The following CARMIL1 variants were observed in gnomAD, a reference collection of about 807,000 sequenced individuals.
The protein encoded by CARMIL1 is capping protein regulator and myosin 1 linker 1.
A neutral mutation model predicts 177.1 loss-of-function variants in CARMIL1; 90 were observed. That is an observed-to-expected ratio of 0.51 (90% CI 0.43 to 0.61). The LOEUF is 0.61. CARMIL1 is among the 20% of genes least tolerant of loss of function. CARMIL1 has a pLI of 0.00. For synonymous variants in CARMIL1, 577 were observed against 606.2 expected (o/e 0.95, Z 0.71); for missense variants, 1,380 against 1,667.0 (o/e 0.83, Z 3.00).
intron 2 of CARMIL1, among the ~76,000 whole-genome samples, chr6:25,297,756 C>T (rs149116895): frequency 3.7e-4 from 56 of 152,350 alleles, no homozygotes; most frequent in African/African-American, 1.1e-3. Context: ...GTGGTGTCAG[C>T]AACACTGTAT....
chr6:25,587,515 C>T (rs563443173), intron 31 of CARMIL1, among the ~76,000 whole-genome samples: 76 of 152,258 alleles, frequency 5.0e-4, no homozygotes, highest in Non-Finnish European at 9.3e-4. Flanking sequence ...ATATGCCATC[C>T]TTTACTTAAA....
At chr6:25,324,852 A>C (rs1288903467) in intron 2 of CARMIL1, among the ~76,000 whole-genome samples, 3 of 152,100 alleles carry the variant, frequency 2.0e-5, no homozygotes, top group Non-Finnish European at 4.4e-5. Context: ...ACAGGTGTGA[A>C]TGTAGACCCT....
chr6:25,619,108 C>A (rs550442906), intron 36 of CARMIL1, among the ~76,000 whole-genome samples: 4 of 152,204 alleles, frequency 2.6e-5, no homozygotes, highest in Non-Finnish European at 4.4e-5. Context: ...TGGAGCAGAA[C>A]CGCTTCAAAG....
At chr6:25,380,754 C>A (rs948154116) in intron 2 of CARMIL1, among the ~76,000 whole-genome samples, 4 of 152,126 alleles carry the variant, frequency 2.6e-5, no homozygotes, top group African/African-American at 4.8e-5. Flanking sequence ...TTGCACCAGG[C>A]ACTGTGTAGG....
At chr6:25,450,796 C>T in intron 8 of CARMIL1, 85 bp downstream of exon 8, 1 of 17,540 alleles carries the variant, frequency 5.7e-5, no homozygotes, top group Non-Finnish European at 1.2e-4. Context: ...TTCCTCCCTC[C>T]CTTCCTCCCT....
intron 2 of CARMIL1, among the ~76,000 whole-genome samples, chr6:25,410,637 A>G (rs1434297332): frequency 2.0e-5 from 3 of 152,124 alleles, no homozygotes; most frequent in Non-Finnish European, 4.4e-5. Context: ...TTGAATCTTG[A>G]GAGGGAACAT....
At chr6:25,460,023 A>G (rs1799995112) in intron 8 of CARMIL1, among the ~76,000 whole-genome samples, 1 of 152,232 alleles carries the variant, frequency 6.6e-6, no homozygotes. Flanking sequence ...CTTCCAACTA[A>G]GAGAAATCAG....
At chr6:25,366,601 C>T in intron 2 of CARMIL1, among the ~76,000 whole-genome samples, 1 of 150,948 alleles carries the variant, frequency 6.6e-6, no homozygotes, top group Non-Finnish European at 1.5e-5. Context: ...TTGCTCACTG[C>T]TGTATATCCA....
chr6:25,473,563 T>A (rs1801263137), intron 11 of CARMIL1, among the ~76,000 whole-genome samples: 1 of 152,224 alleles, frequency 6.6e-6, no homozygotes, highest in Non-Finnish European at 1.5e-5. Context: ...TTTATCTTGG[T>A]CATCTTCACA....
rs1272744246 is a variant in CARMIL1, at chr6:25,482,315, T to C, written c.933T>C (p.Asn311=). The C allele has an allele frequency of 6.3e-7, 1 of 1,583,884 alleles. No homozygotes were observed. Among genetic ancestry groups the C allele is most frequent in the Non-Finnish European group, 8.6e-7 (1 of 1,160,062 alleles). The stretch of plus-strand genomic sequence containing the variant: ...TCCCAAAGGGATTAAAGCACTTAAA[T>C]TTATCTAAAACCTCATTATCACCTA... ...AKLPKGLKHL[N]LSKTSLSPKG... is the part of the protein sequence containing the mutation. Residue 311 remains asparagine, a synonymous_variant, in exon 12 of 37, where the codon AAT becomes AAC. Coordinates refer to ENST00000329474, the MANE Select transcript of CARMIL1 (RefSeq NM_017640.6).
At chr6:25,593,318 G>A (rs1043161909) in intron 31 of CARMIL1, among the ~76,000 whole-genome samples, 6 of 152,142 alleles carry the variant, frequency 3.9e-5, no homozygotes, top group East Asian at 1.9e-4. Context: ...ATTCTCTGGC[G>A]TCTCCAATTG....
chr6:25,310,604 A>T (rs1335216557), intron 2 of CARMIL1, among the ~76,000 whole-genome samples: 5 of 152,224 alleles, frequency 3.3e-5, no homozygotes, highest in Non-Finnish European at 7.3e-5. Context: ...TCAGAAAAAT[A>T]TGAAAGCCAC....
In CARMIL1 at chr6:25,541,080, A is replaced by G. The variant is rs559417593; in HGVS notation, c.2328+1002A>G. Among the ~76,000 whole-genome samples, 5 of 152,318 alleles carry G rather than the reference A, an allele frequency of 3.3e-5. No individual in the cohort carries two copies. In the East Asian group the frequency reaches 9.6e-4, roughly 29 times the overall value. ...GCTAGACCATTTGTTACCTAATAGC[A>G]CTTGTTTTATCCTGCATGAAGGATA... is the stretch of plus-strand genomic sequence containing the variant. On this transcript the variant is annotated intron_variant, in intron 26 of 36. Transcript: ENST00000329474.
intron 36 of CARMIL1, among the ~76,000 whole-genome samples, chr6:25,618,827 G>A (rs1759499858): frequency 6.6e-6 from 1 of 152,194 alleles, no homozygotes; most frequent in South Asian, 2.1e-4. Flanking sequence ...ATGGTTGAAT[G>A]TGTCATAGGC....
intron 5 of CARMIL1, among the ~76,000 whole-genome samples, chr6:25,439,325 G>A (rs1797518831): frequency 6.6e-6 from 1 of 152,204 alleles, no homozygotes; most frequent in Non-Finnish European, 1.5e-5. Flanking sequence ...GTGAGGCTGG[G>A]GCTTGGAGGA....
intron 2 of CARMIL1, among the ~76,000 whole-genome samples, chr6:25,412,272 C>A (rs1794968221): frequency 6.6e-6 from 1 of 152,218 alleles, no homozygotes. Context: ...AAATATTTCT[C>A]TCATTTTTAA....
At chr6:25,461,809 C>T (rs1014817833) in intron 8 of CARMIL1, among the ~76,000 whole-genome samples, 3 of 152,116 alleles carry the variant, frequency 2.0e-5, no homozygotes, top group African/African-American at 7.2e-5. Context: ...TTGAGAGTTC[C>T]AGTTGCTCTG....
intron 2 of CARMIL1, among the ~76,000 whole-genome samples, chr6:25,408,300 A>T (rs1794584798): frequency 2.0e-5 from 3 of 151,624 alleles, no homozygotes; most frequent in South Asian, 2.1e-4. Context: ...AATAAAAAAA[A>T]AAAAAAAAAA....
chr6:25,524,353 A>T (rs1021375146), intron 23 of CARMIL1, among the ~76,000 whole-genome samples: 1 of 152,242 alleles, frequency 6.6e-6, no homozygotes, highest in Non-Finnish European at 1.5e-5. Context: ...ACAACTGAGC[A>T]AACTGCAAGA....
Sources: allele counts gnomAD v4.1 joint callset (sites outside exome capture counted in the v4.1 genomes callset), GRCh38; gene constraint gnomAD v4.1.1; transcripts MANE v1.5; gene names NCBI Gene and HGNC (gene_info 2026-07-23, HGNC 2026-07-21).